SH3D21: variants seen among roughly 807,000 people sequenced by gnomAD.
SH3D21 encodes the protein SH3 domain-containing protein 21.
Under a neutral mutation model 82.1 loss-of-function variants are expected in SH3D21, and 83 were observed. The observed-to-expected ratio is 1.01, with a 90% CI of 0.85 to 1.21. The LOEUF (loss-of-function observed/expected upper bound fraction) is 1.21, where lower values mean the gene tolerates loss of function less well. Among genes scored for constraint, SH3D21 ranks in the 50% most tolerant of loss-of-function variants. SH3D21 has a pLI of 0.00. For synonymous variants in SH3D21, 383 were observed against 387.8 expected (o/e 0.99, Z 0.15); for missense variants, 980 against 962.1 (o/e 1.02, Z -0.25).
chr1:36,326,724 G>A, downstream of SH3D21, among the ~76,000 whole-genome samples: 1 of 152,208 alleles, frequency 6.6e-6, no homozygotes, highest in East Asian at 1.9e-4. Context: ...GGCGGGGCCG[G>A]TGGAGAGGCG....
At position 36,321,055 on chromosome 1, in the gene SH3D21, G is replaced by T. The variant is rs769398218; in HGVS notation, c.2200-1G>T. ...AAAGTCTCCACCTCACTCCCGACCA[G>T]GTCCAGGTGATGCAGGGGACCCAGA... On this transcript the variant is annotated splice_acceptor_variant, in intron 15 of 15. Coordinates refer to ENST00000453908, the MANE Select transcript of SH3D21 (RefSeq NM_001162530.2). LOFTEE classifies it high-confidence loss of function. The surrounding 1 kb of genome is among the most constrained non-coding windows in gnomAD (Gnocchi z 6.1). 6 of 1,611,066 alleles carry T rather than the reference G, an allele frequency of 3.7e-6. No individual in the cohort carries two copies. In the East Asian group the frequency reaches 1.3e-4, roughly 36 times the overall value.
At chr1:36,323,999 A>T (rs1281526624), downstream of SH3D21, 1 of 152,290 alleles carries the variant, frequency 6.6e-6, no homozygotes, top group Admixed American at 6.5e-5. Flanking sequence ...TCAGGATTTG[A>T]ATCTGCTGCT....
chr1:36,323,018 TC>T, downstream of SH3D21: 11 of 1,599,838 alleles, frequency 6.9e-6, no homozygotes, highest in Non-Finnish European at 8.5e-6. Context: ...CAACTCCATG[TC>T]CCTTCGCGGG....
At chr1:36,327,115 AAGG>A (rs1237532133), downstream of SH3D21, among the ~76,000 whole-genome samples, 3 of 152,202 alleles carry the variant, frequency 2.0e-5, no homozygotes, top group Non-Finnish European at 4.4e-5. Flanking sequence ...TGAAGTCAGC[AAGG>A]AGAACCAGGC....
chr1:36,322,545 T>G (rs977555243), downstream of SH3D21: 1 of 1,597,270 alleles, frequency 6.3e-7, no homozygotes, highest in African/African-American at 1.3e-5. Context: ...CACCGTGTCC[T>G]CCTCGTCCTC....
At chr1:36,328,424 C>G (rs2124713691), downstream of SH3D21, 1 of 321,770 alleles carries the variant, frequency 3.1e-6, no homozygotes, top group African/African-American at 2.2e-5. Flanking sequence ...TCCCCATGAC[C>G]CCAGCACCTG....
chr1:36,320,813 G>T lies in SH3D21; in HGVS notation c.2135+15G>T, dbSNP rs779989806. On this transcript the variant is annotated intron_variant, in intron 14 of 15. Coordinates refer to ENST00000453908, the MANE Select transcript of SH3D21 (RefSeq NM_001162530.2). ...GTGCAGCTGGAGTGAGTGGGCAGTG[G>T]CGGGGGTTGTGGAAGGTAGGGTTCC... The T allele has an allele frequency of 2.4e-5, 37 of 1,554,012 alleles. No homozygotes were observed. In the Admixed American group the frequency reaches 2.7e-4, roughly 11 times the overall value.
At chr1:36,308,605 C>T in intron 9 of SH3D21, 130 bp downstream of exon 9, 1 of 667,830 alleles carries the variant, frequency 1.5e-6, no homozygotes, top group South Asian at 1.9e-5. Context: ...GTGGGGGCTC[C>T]TTTTGGATTC....
At chr1:36,309,431 A>G in intron 9 of SH3D21, 117 bp from the exon 10 acceptor site, 1 of 1,192,284 alleles carries the variant, frequency 8.4e-7, no homozygotes, top group Non-Finnish European at 1.2e-6. Flanking sequence ...TTCTGTCCTC[A>G]AGTGATCCAC....
At chr1:36,312,125 T>C (rs1365874496) in intron 10 of SH3D21, among the ~76,000 whole-genome samples, 1 of 151,906 alleles carries the variant, frequency 6.6e-6, no homozygotes, top group South Asian at 2.1e-4. Context: ...CCCGGGTTCA[T>C]GCCATTCTGC....
At chr1:36,322,888 G>C (rs941440920), downstream of SH3D21, 2 of 1,559,392 alleles carry the variant, frequency 1.3e-6, no homozygotes, top group Admixed American at 1.8e-5. Flanking sequence ...CGGGGCGGAG[G>C]GGACGGACAA....
Position 36,306,973 on chromosome 1 carries a change from C to G in SH3D21, c.226+68C>G. The G allele has an allele frequency of 1.5e-6, 2 of 1,362,886 alleles. No homozygotes were observed. Among genetic ancestry groups the G allele is most frequent in the Non-Finnish European group, 1.9e-6 (2 of 1,050,596 alleles). 84.4% of individuals were successfully genotyped at this position (1,362,886 alleles called of 1,614,324 possible). The stretch of plus-strand genomic sequence containing the variant: ...GGAGCCAGTGCGACCCCGGCGTCTC[C>G]GGCTCTTAGTGACGGGCGCGGCTCT... On this transcript the variant is annotated intron_variant, in intron 3 of 15. Coordinates refer to ENST00000453908, the MANE Select transcript of SH3D21 (RefSeq NM_001162530.2). The surrounding 1 kb of genome is among the most constrained non-coding windows in gnomAD (Gnocchi z 4.5).
downstream of SH3D21, among the ~76,000 whole-genome samples, chr1:36,326,239 T>TTC (rs1391260425): frequency 6.6e-6 from 1 of 151,630 alleles, no homozygotes; most frequent in Non-Finnish European, 1.5e-5. Context: ...TCTTTCTTTT[T>TTC]TTTTTTTTTG....
downstream of SH3D21, chr1:36,327,814 G>T (rs527869425): frequency 3.2e-5 from 41 of 1,283,204 alleles, no homozygotes; most frequent in African/African-American, 5.5e-4. Flanking sequence ...CCTGGGGAAG[G>T]TCCCTGAAAC....
At chr1:36,310,584 C>T (rs2124677121) in intron 10 of SH3D21, among the ~76,000 whole-genome samples, 1 of 149,948 alleles carries the variant, frequency 6.7e-6, no homozygotes, top group South Asian at 2.1e-4. Flanking sequence ...CACTGTATGC[C>T]AGCGTAGGTG....
At chr1:36,326,318 G>A (rs111362452), downstream of SH3D21, among the ~76,000 whole-genome samples, 1 of 150,730 alleles carries the variant, frequency 6.6e-6, no homozygotes, top group Non-Finnish European at 1.5e-5. Context: ...TGCAACCTCT[G>A]TCTCCCGGAT....
chr1:36,308,583 G>C, intron 9 of SH3D21, 108 bp downstream of exon 9: 1 of 830,814 alleles, frequency 1.2e-6, no homozygotes, highest in East Asian at 2.7e-5. Flanking sequence ...AAATGAGGGT[G>C]GACCTAGACA....
At position 36,319,114 on chromosome 1, in the gene SH3D21, C is replaced by G. The variant is rs200744125; in HGVS notation, c.813C>G (p.Leu271=). ...AAAAGTTGATGCCCAAAACATCCCT[C>G]CCCACAGTCAAGAAGCTAGCAACAG... ...EPKKLMPKTS[L]PTVKKLATAT... is the part of the protein sequence containing the mutation. The change falls in exon 11 of 16, where the codon CTC becomes CTG. Residue 271 remains leucine (L), a synonymous_variant. Coordinates refer to ENST00000453908, the MANE Select transcript of SH3D21 (RefSeq NM_001162530.2). 525 of 1,551,498 alleles carry G rather than the reference C, an allele frequency of 3.4e-4. 1 individual carries two copies. Among genetic ancestry groups the G allele is most frequent in the Middle Eastern group, 2.7e-3 (16 of 5,994 alleles).
At chr1:36,313,791 C>A (rs1027155520) in intron 10 of SH3D21, among the ~76,000 whole-genome samples, 1 of 151,664 alleles carries the variant, frequency 6.6e-6, no homozygotes, top group East Asian at 1.9e-4. Flanking sequence ...TATTGAACTC[C>A]TGTGCTCAAG....
Sources: allele counts gnomAD v4.1 joint callset (sites outside exome capture counted in the v4.1 genomes callset), GRCh38; gene constraint gnomAD v4.1.1; non-coding constraint Gnocchi (gnomAD v3.1); transcripts MANE v1.5; gene names NCBI Gene and HGNC (gene_info 2026-07-23, HGNC 2026-07-21).